MBTPS1: variants seen among roughly 807,000 people sequenced by gnomAD.
MBTPS1 encodes the protein membrane bound transcription factor peptidase, site 1, also known as membrane-bound transcription factor site-1 protease.
Under a neutral mutation model 127.8 loss-of-function variants are expected in MBTPS1, and 94 were observed. The ratio of observed to expected loss-of-function variants is 0.74; its 90% CI spans 0.62 to 0.87. MBTPS1 has a LOEUF of 0.87. MBTPS1 is among the 40% of genes least tolerant of loss of function. The probability of loss-of-function intolerance (pLI) is 0.00; values close to 1 mark genes in which losing one functional copy is unlikely to be tolerated. For missense variants in MBTPS1, 1,636 were observed against 1,353.2 expected, an observed-to-expected ratio of 1.21 and a Z score of -3.28; for synonymous variants, 632 against 509.4, an observed-to-expected ratio of 1.24 and a Z score of -3.24.
Position 84,102,014 on chromosome 16 carries a change from T to C in MBTPS1, c.-231A>G. 1 of 505,670 alleles carries C rather than the reference T, an allele frequency of 2.0e-6. No individual in the cohort carries two copies. The highest frequency in any genetic ancestry group is 3.5e-6 in the Non-Finnish European group (1 of 281,940). The allele number at this position is 505,670 out of a possible 1,614,324, so 31.3% of individuals were successfully genotyped here. On this transcript the variant is annotated 5_prime_UTR_variant, in exon 2 of 23. Transcript: ENST00000343411. ...TTCTCCATCTTGGAAATAAGGCTTC[T>C]CTCACTCAGGCCGTGACGACTGAGT...
intron 21 of MBTPS1, 52 bp from the exon 22 acceptor site, chr16:84,056,187 A>G (rs1382198345): frequency 6.7e-7 from 1 of 1,498,626 alleles, no homozygotes; most frequent in Admixed American, 1.7e-5. Flanking sequence ...GTACTAGTCT[A>G]GGTACTAGTC....
chr16:84,058,785 T>C (rs2085560174), intron 21 of MBTPS1, among the ~76,000 whole-genome samples: 1 of 151,406 alleles, frequency 6.6e-6, no homozygotes, highest in Non-Finnish European at 1.5e-5. Context: ...CAAACAGGAG[T>C]GTGGAGACAG....
intron 8 of MBTPS1, among the ~76,000 whole-genome samples, chr16:84,089,099 G>C (rs372346844): frequency 4.6e-5 from 7 of 152,256 alleles, no homozygotes; most frequent in African/African-American, 1.4e-4. Flanking sequence ...TGGGAATCCA[G>C]ACAGGTATGG....
At chr16:84,054,670 A>G (rs2151137107) in intron 22 of MBTPS1, 25 bp from the exon 23 acceptor site, 2 of 1,538,156 alleles carry the variant, frequency 1.3e-6, no homozygotes, top group East Asian at 2.4e-5. Flanking sequence ...CCGGTTGAAC[A>G]GGCAGGAACG....
chr16:84,109,113 C>A (rs981141405), intron 1 of MBTPS1, among the ~76,000 whole-genome samples: 3 of 152,212 alleles, frequency 2.0e-5, no homozygotes, highest in African/African-American at 7.2e-5. Context: ...ATATCACTCT[C>A]CACTAAAAGA....
chr16:84,057,407 T>C (rs2085538421), intron 21 of MBTPS1: 1 of 152,260 alleles, frequency 6.6e-6, no homozygotes, highest in East Asian at 1.9e-4. Context: ...TGGCACTTTC[T>C]AGTGGAGCAG....
In MBTPS1 at chr16:84,099,308, A is replaced by G. The variant is rs772380343; in HGVS notation, c.166T>C (p.Tyr56His). 18 of 1,613,046 alleles carry G rather than the reference A, an allele frequency of 1.1e-5. No individual in the cohort carries two copies. In the South Asian group the frequency reaches 2.0e-4, roughly 18 times the overall value. Residue 56 changes from tyrosine (Y) to histidine (H), a missense_variant and splice_region_variant, in exon 3 of 23, where the codon TAT (tyrosine) becomes CAT (histidine). Coordinates refer to ENST00000343411, the MANE Select transcript of MBTPS1 (RefSeq NM_003791.4). ...EFSSTVVEYE[Y>H]IVAFNGYFTA... ...AAGTATCCATTGAAAGCCACAATAT[A>G]TTCTGAAACCAATCACCACAAACAA...
intron 5 of MBTPS1, 74 bp downstream of exon 5, chr16:84,093,633 GGACA>G: frequency 9.8e-7 from 1 of 1,021,512 alleles, no homozygotes. Flanking sequence ...AATAATTGCT[GGACA>G]GACTGTGGAA....
At chr16:84,066,374 C>A (rs1311676120) in intron 17 of MBTPS1, 115 bp downstream of exon 17, 1 of 1,124,198 alleles carries the variant, frequency 8.9e-7, no homozygotes, top group Non-Finnish European at 1.2e-6. Context: ...GTTCTTTCCA[C>A]AGACTCCAGC....
intron 8 of MBTPS1, among the ~76,000 whole-genome samples, chr16:84,090,573 G>A (rs562636951): frequency 6.6e-6 from 1 of 151,870 alleles, no homozygotes; most frequent in East Asian, 1.9e-4. Flanking sequence ...ATTGATTTTT[G>A]GGGAAAAAAA....
chr16:84,073,195 A>G (rs769238791), intron 12 of MBTPS1, among the ~76,000 whole-genome samples: 1 of 152,168 alleles, frequency 6.6e-6, no homozygotes, highest in Non-Finnish European at 1.5e-5. Context: ...GTACAGTGGC[A>G]TGATCTCGGC....
chr16:84,093,359 C>G, intron 5 of MBTPS1, 62 bp from the exon 6 acceptor site: 1 of 1,095,222 alleles, frequency 9.1e-7, no homozygotes, highest in East Asian at 2.4e-5. Context: ...CAGGACGCAA[C>G]ATTCCAGGCC....
chr16:84,115,957 A>T (rs923380900), intron 1 of MBTPS1, among the ~76,000 whole-genome samples: 2 of 143,952 alleles, frequency 1.4e-5, no homozygotes, highest in African/African-American at 5.2e-5. Context: ...AAAAAAAAAA[A>T]TGAGAGGAAT....
intron 8 of MBTPS1, among the ~76,000 whole-genome samples, chr16:84,090,486 C>T (rs899601962): frequency 3.9e-5 from 6 of 152,206 alleles, no homozygotes; most frequent in African/African-American, 1.2e-4. Context: ...AAACCTCTTC[C>T]GTTTGCCTCT....
intron 20 of MBTPS1, chr16:84,060,134 C>A (rs565143850): frequency 6.5e-6 from 1 of 152,992 alleles, no homozygotes; most frequent in Admixed American, 6.5e-5. Flanking sequence ...GGCGGCCCCA[C>A]GGCACCAGCA....
intron 11 of MBTPS1, chr16:84,081,397 CAG>C (rs1353695205): frequency 6.2e-6 from 1 of 161,876 alleles, no homozygotes; most frequent in Non-Finnish European, 1.3e-5. Flanking sequence ...ATGGTGGCAT[CAG>C]GGGAAACTGG....
intron 18 of MBTPS1, 94 bp downstream of exon 18, chr16:84,065,596 A>T: frequency 1.2e-6 from 1 of 838,658 alleles, no homozygotes; most frequent in Non-Finnish European, 2.0e-6. Context: ...AGCTTTTATT[A>T]AAAAAGAGAC....
rs372020761 is a variant in MBTPS1 at position 84,091,733 on chromosome 16, T to A, written c.962A>T (p.Lys321Met). The change falls in exon 7 of 23, where the codon AAG becomes ATG. Residue 321 changes from lysine to methionine, a missense_variant and splice_region_variant. Physicochemically the swap from Lys to Met is moderately conservative, Grantham distance 95 (BLOSUM62 -1). Coordinates refer to ENST00000343411, the MANE Select transcript of MBTPS1 (RefSeq NM_003791.4). ...CCCGTGTGCAGTGACTCCACAAACC[T>A]TGTCAACAAACGGATGATCCATGAA... is the stretch of plus-strand genomic sequence containing the variant. ...PDFMDHPFVD[K>M]VWELTANNVI... 6.2e-7 allele frequency: 1 copy of A among 1,611,052 alleles called. No homozygotes were observed. The highest frequency in any genetic ancestry group is 1.1e-5 in the South Asian group (1 of 91,014).
chr16:84,077,886 C>A (rs1223147199), intron 11 of MBTPS1, among the ~76,000 whole-genome samples: 1 of 151,082 alleles, frequency 6.6e-6, no homozygotes, highest in African/African-American at 2.4e-5. Context: ...AAAGAGGGAC[C>A]AAAAACCCCA....
Sources: allele counts gnomAD v4.1 joint callset (sites outside exome capture counted in the v4.1 genomes callset), GRCh38; gene constraint gnomAD v4.1.1; transcripts MANE v1.5; gene names NCBI Gene and HGNC (gene_info 2026-07-23, HGNC 2026-07-21).